The following KRT23 variants were observed in gnomAD, a reference collection of about 807,000 sequenced individuals.
KRT23 encodes the protein keratin 23.
KRT23 carries 38 observed loss-of-function variants against 47.6 expected under a neutral mutation model. That is an observed-to-expected ratio of 0.80 (90% CI 0.62 to 1.05). The LOEUF is 1.05. Among genes scored for constraint, KRT23 ranks in the 50% least tolerant of loss-of-function variants. The probability of loss-of-function intolerance (pLI) is 0.00; values close to 1 mark genes in which losing one functional copy is unlikely to be tolerated. For missense variants in KRT23, 503 were observed against 529.5 expected, an observed-to-expected ratio of 0.95 and a Z score of 0.49; for synonymous variants, 191 against 199.0, an observed-to-expected ratio of 0.96 and a Z score of 0.34.
At chr17:40,924,617 G>C (rs1909113639) in intron 7 of KRT23, 114 bp from the exon 8 acceptor site, 2 of 844,794 alleles carry the variant, frequency 2.4e-6, no homozygotes, top group South Asian at 1.5e-5. Flanking sequence ...CTTTAATGAG[G>C]ATAATTGTCT....
chr17:40,931,879 C>T (rs1489902948), intron 2 of KRT23, among the ~76,000 whole-genome samples: 5 of 152,148 alleles, frequency 3.3e-5, no homozygotes, highest in African/African-American at 1.2e-4. Flanking sequence ...AGGTTCTGAT[C>T]CTTTTCTTAT....
intron 2 of KRT23, 145 bp from the exon 3 acceptor site, chr17:40,931,600 C>T (rs1430943755): frequency 1.7e-5 from 11 of 633,766 alleles, no homozygotes; most frequent in African/African-American, 1.5e-4. Context: ...CAATGAATAA[C>T]CGAATCAGTA....
At chr17:40,927,226 CA>C (rs1323293522) in intron 6 of KRT23, among the ~76,000 whole-genome samples, 1 of 152,136 alleles carries the variant, frequency 6.6e-6, no homozygotes, top group Non-Finnish European at 1.5e-5. Context: ...TATTATCTGT[CA>C]CTCCTACTAG....
At chr17:40,930,768 TAAACA>T (rs979666981) in intron 3 of KRT23, among the ~76,000 whole-genome samples, 1 of 84,798 alleles carries the variant, frequency 1.2e-5, no homozygotes, top group Non-Finnish European at 2.3e-5. Flanking sequence ...GTCTCAAAAA[TAAACA>T]AATAAATAAA....
Position 40,935,147 on chromosome 17 carries a change from A to G in KRT23, c.396+1061T>C, listed in dbSNP as rs114405362. 5.4e-3 allele frequency among the ~76,000 whole-genome samples: 798 copies of G among 149,084 alleles called. 8 individuals carry two copies. Among genetic ancestry groups the G allele is most frequent in the African/African-American group, 0.019 (765 of 40,258 alleles). ...TTTTTCATAAAGACAACCATGCACT[A>G]TATAGTTAAGGTAATTACAGTCAGT... On this transcript the variant is annotated intron_variant, in intron 2 of 8. Coordinates refer to ENST00000209718, the MANE Select transcript of KRT23 (RefSeq NM_015515.5).
At chr17:40,931,973 G>A (rs1052030644) in intron 2 of KRT23, among the ~76,000 whole-genome samples, 1 of 152,052 alleles carries the variant, frequency 6.6e-6, no homozygotes, top group South Asian at 2.1e-4. Context: ...ATTATTTCAG[G>A]TGAACATAAT....
Position 40,936,676 on chromosome 17 carries a change from A to G in KRT23, c.-73T>C, listed in dbSNP as rs1910104627. ...GCACCGCAGAACTGAGCCGCCCCAG[A>G]CTGCCCTGGATGGTTTTATGGCCTT... On this transcript the variant is annotated 5_prime_UTR_variant, in exon 2 of 9. Transcript: ENST00000209718. 1 of 1,408,394 alleles carries G rather than the reference A, an allele frequency of 7.1e-7. No individual in the cohort carries two copies. The highest frequency in any genetic ancestry group is 9.4e-7 in the Non-Finnish European group (1 of 1,064,932). 87.2% of individuals were successfully genotyped at this position (1,408,394 alleles called of 1,614,324 possible). A position where few individuals can be genotyped will look rare whatever the true frequency, so the allele number is the denominator to read the frequency against.
chr17:40,925,345 T>C lies in KRT23; in HGVS notation c.1142+9A>G, dbSNP rs1186474788. On this transcript the variant is annotated intron_variant, in intron 7 of 8. Coordinates refer to ENST00000209718, the MANE Select transcript of KRT23 (RefSeq NM_015515.5). ...TCGCATGCTCCTCTCGTGCCAGCCT[T>C]TGCCTTACCCTTCACTCTCTCCCTC... 6.2e-7 allele frequency: 1 copy of C among 1,612,220 alleles called. No homozygotes were observed. The highest frequency in any genetic ancestry group is 1.3e-5 in the African/African-American group (1 of 74,972).
intron 6 of KRT23, among the ~76,000 whole-genome samples, chr17:40,926,464 A>G (rs549157314): frequency 6.6e-6 from 1 of 151,980 alleles, no homozygotes; most frequent in East Asian, 1.9e-4. Flanking sequence ...CTCGCTTCCT[A>G]ATTTTGTTGA....
chr17:40,931,337 C>T (rs763035052), intron 3 of KRT23, 36 bp downstream of exon 3: 1 of 1,523,270 alleles, frequency 6.6e-7, no homozygotes, highest in South Asian at 1.1e-5. Flanking sequence ...AGCAAACAAA[C>T]AAAAACCCGA....
intron 6 of KRT23, 85 bp from the exon 7 acceptor site, chr17:40,925,659 C>T (rs566822627): frequency 8.0e-5 from 82 of 1,021,064 alleles, no homozygotes; most frequent in African/African-American, 7.8e-4. Flanking sequence ...TAGCAGATGT[C>T]GACCAGTTGG....
At chr17:40,924,391 A>T in intron 8 of KRT23, 81 bp downstream of exon 8, 1 of 1,134,844 alleles carries the variant, frequency 8.8e-7, no homozygotes, top group Non-Finnish European at 1.3e-6. Context: ...GGAGTACATT[A>T]AGGATTATGA....
Position 40,936,704 on chromosome 17 carries a change from C to A in KRT23, c.-101G>T. 1 of 1,075,932 alleles carries A rather than the reference C, an allele frequency of 9.3e-7. No homozygotes were observed. Among genetic ancestry groups the A allele is most frequent in the South Asian group, 2.6e-5 (1 of 38,696 alleles). The allele number at this position is 1,075,932 out of a possible 1,614,324, so 66.6% of individuals were successfully genotyped here. A position where few individuals can be genotyped will look rare whatever the true frequency, so the allele number is the denominator to read the frequency against. On this transcript the variant is annotated 5_prime_UTR_variant, in exon 2 of 9. Transcript: ENST00000209718. ...GCCCTGGATGGTTTTATGGCCTTTG[C>A]TGTGGGAGTTCCCTTCTCTGACAAT...
At chr17:40,932,869 G>A (rs928914512) in intron 2 of KRT23, among the ~76,000 whole-genome samples, 5 of 152,322 alleles carry the variant, frequency 3.3e-5, no homozygotes, top group Non-Finnish European at 5.9e-5. Flanking sequence ...AACTCAAAGA[G>A]CAGGGCCTGG....
intron 2 of KRT23, among the ~76,000 whole-genome samples, chr17:40,932,121 T>G (rs1479096012): frequency 6.6e-6 from 1 of 152,210 alleles, no homozygotes; most frequent in African/African-American, 2.4e-5. Context: ...AAGGTGTGTT[T>G]ATGTCATTGC....
chr17:40,934,898 C>T (rs1909943689), intron 2 of KRT23, among the ~76,000 whole-genome samples: 1 of 152,166 alleles, frequency 6.6e-6, no homozygotes, highest in Non-Finnish European at 1.5e-5. Context: ...ATAATAAGTG[C>T]TCAGTAAACA....
At chr17:40,927,803 G>C (rs1466707208) in intron 6 of KRT23, among the ~76,000 whole-genome samples, 1 of 152,180 alleles carries the variant, frequency 6.6e-6, no homozygotes, top group Non-Finnish European at 1.5e-5. Flanking sequence ...TGGGGTTTGA[G>C]GGGGGTAGCC....
At chr17:40,935,223 A>G (rs1462227641) in intron 2 of KRT23, among the ~76,000 whole-genome samples, 2 of 151,516 alleles carry the variant, frequency 1.3e-5, no homozygotes, top group African/African-American at 4.9e-5. Flanking sequence ...ACAGATTTAT[A>G]TTATCTTGAC....
rs749582435 is a variant in KRT23 at position 40,936,436 on chromosome 17, T to C, written c.168A>G (p.Gly56=). ...TGCTTCTTCCAGAACCCCAAGACCC[T>C]CCAGGGGGTGGGCAGCTCCGCGTGG... ...SFTTRSCPPP[G]GSWGSGRSSP... is the part of the protein sequence containing the mutation. Residue 56 remains glycine (G), a synonymous_variant, in exon 2 of 9, where the codon GGA becomes GGG. Coordinates refer to ENST00000209718, the MANE Select transcript of KRT23 (RefSeq NM_015515.5). 1.2e-5 allele frequency: 19 copies of C among 1,610,936 alleles called. No individual in the cohort carries two copies. The African/African-American group carries it at 2.4e-4, about 20-fold the overall frequency.
Sources: allele counts gnomAD v4.1 joint callset (sites outside exome capture counted in the v4.1 genomes callset), GRCh38; gene constraint gnomAD v4.1.1; transcripts MANE v1.5; gene names NCBI Gene and HGNC (gene_info 2026-07-23, HGNC 2026-07-21).